Variants in CELF3 observed in about 807,000 individuals in gnomAD.
The protein encoded by CELF3 is CAG repeat domain.
CELF3 carries 26 observed loss-of-function variants against 59.6 expected under a neutral mutation model. The observed-to-expected ratio is 0.44, with a 90% confidence interval of 0.32 to 0.61. The LOEUF is 0.61. CELF3 is among the 20% of genes least tolerant of loss of function. The probability of loss-of-function intolerance (pLI) is 0.06; values close to 1 mark genes in which losing one functional copy is unlikely to be tolerated. For synonymous variants in CELF3, 245 were observed against 250.7 expected (o/e 0.98, Z 0.22); for missense variants, 387 against 627.2 (o/e 0.62, Z 4.09).
chr1:151,706,769 T>C (rs1222709291), intron 8 of CELF3, 35 bp from the exon 9 acceptor site: 11 of 1,480,040 alleles, frequency 7.4e-6, no homozygotes, highest in African/African-American at 1.4e-5. Flanking sequence ...AGCGTGGACC[T>C]GGCACACAGT....
In CELF3 at chr1:151,709,282, A is replaced by C. The variant is rs1204063036; in HGVS notation, c.344T>G (p.Phe115Cys). Reference sequence around the variant, plus strand: ...CTCGTCGATGGTCCCGAAGGGCTCAAACATCTTCCGGACGTCCTCATCTGT... The same window carrying C: ...CTCGTCGATGGTCCCGAAGGGCTCACACATCTTCCGGACGTCCTCATCTGT... ...QQTDEDVRKM[F>C]EPFGTIDECT... The change falls in exon 4 of 13, where the codon TTT becomes TGT. Residue 115 changes from phenylalanine to cysteine, a missense_variant. Phe to Cys is a radical substitution (Grantham distance 205). Around this residue, in one of 3 missense-constraint regions of CELF3, gnomAD observed 208 missense variants for 354.8 expected, o/e 0.59. Coordinates refer to ENST00000290583, the MANE Select transcript of CELF3 (RefSeq NM_007185.7). This position sits in a 1 kb window ranked among gnomAD's most constrained non-coding sequence, Gnocchi z 4.9. 6.2e-7 allele frequency: 1 copy of C among 1,614,020 alleles called. No individual in the cohort carries two copies. Among genetic ancestry groups the C allele is most frequent in the Admixed American group, 1.7e-5 (1 of 60,016 alleles).
Position 151,707,288 on chromosome 1 carries a change from C to G in CELF3, c.779G>C (p.Ser260Thr). 6.4e-7 allele frequency: 1 copy of G among 1,569,314 alleles called. No homozygotes were observed. Among genetic ancestry groups the G allele is most frequent in the Non-Finnish European group, 8.6e-7 (1 of 1,159,150 alleles). Reference protein sequence around the residue: ...ATPITPSSGTSTPPAIAATPV... With the variant: ...ATPITPSSGTTTPPAIAATPV... ...CGTGGCAGCGATGGCAGGAGGGGTG[C>G]TGGTTCCTGGGGAGGAGAAAGCGAC... Residue 260 changes from serine to threonine, a missense_variant, in exon 8 of 13, where the codon AGC becomes ACC. By Grantham distance (58) the Ser-to-Thr change is moderately conservative. This residue lies in a region of CELF3 where 131 missense variants were observed against 153.7 expected (regional missense o/e 0.85). Coordinates refer to ENST00000290583, the MANE Select transcript of CELF3 (RefSeq NM_007185.7).
chr1:151,716,771 T>TG lies in CELF3; in HGVS notation c.-752dup, dbSNP rs1224289903. The TG allele has an allele frequency of 2.2e-6, 1 of 463,752 alleles. No individual in the cohort carries two copies. Among genetic ancestry groups the TG allele is most frequent in the Non-Finnish European group, 4.4e-6 (1 of 225,626 alleles). The allele number at this position is 463,752 out of a possible 1,614,324, so 28.7% of individuals were successfully genotyped here. A position where few individuals can be genotyped will look rare whatever the true frequency, so the allele number is the denominator to read the frequency against. Reference sequence around the variant, plus strand: ...CCCGGTCACCTGGGTCCCGGAGCTCTGCTCTCCGGCCGCGCTCTCCTCAAC... The same window carrying TG: ...CCCGGTCACCTGGGTCCCGGAGCTCTGGCTCTCCGGCCGCGCTCTCCTCAAC... On this transcript the variant is annotated 5_prime_UTR_variant, in exon 1 of 13. Transcript: ENST00000290583.
At position 151,700,601 on chromosome 1, in the gene CELF3, A is replaced by G. The variant is rs4466658; in HGVS notation, c.*2858T>C. Among the ~76,000 whole-genome samples the G allele has an allele frequency of 0.15, 23,259 of 152,234 alleles. 2,283 individuals carry two copies. The highest frequency in any genetic ancestry group is 0.3 in the Middle Eastern group (88 of 294). On this transcript the variant is annotated 3_prime_UTR_variant, in exon 13 of 13. Coordinates refer to ENST00000290583, the MANE Select transcript of CELF3 (RefSeq NM_007185.7). ...TTGTTTTTTATTAGCTGCAGTTTAG[A>G]AAGATTGATGCTTCAGAACATAGAC...
chr1:151,711,973 G>C (rs1370278782), intron 2 of CELF3: 1 of 152,260 alleles, frequency 6.6e-6, no homozygotes, highest in Non-Finnish European at 1.5e-5. Context: ...CAAGTGTACA[G>C]ACCACAGCAA....
chr1:151,707,285 G>C lies in CELF3; in HGVS notation c.782C>G (p.Thr261Ser). ...AGGCGTGGCAGCGATGGCAGGAGGG[G>C]TGCTGGTTCCTGGGGAGGAGAAAGC... ...TPITPSSGTS[T>S]PPAIAATPVS... The change falls in exon 8 of 13, where the codon ACC becomes AGC. Residue 261 changes from threonine (T) to serine (S), a missense_variant. Thr to Ser is a moderately conservative substitution (Grantham distance 58). Around this residue, in one of 3 missense-constraint regions of CELF3, gnomAD observed 131 missense variants for 153.7 expected, o/e 0.85. Transcript: ENST00000290583. 2 of 1,570,692 alleles carry C rather than the reference G, an allele frequency of 1.3e-6. No homozygotes were observed. Among genetic ancestry groups the C allele is most frequent in the Non-Finnish European group, 1.7e-6 (2 of 1,159,682 alleles).
chr1:151,715,374 T>G (rs1241204385), intron 1 of CELF3, among the ~76,000 whole-genome samples: 2 of 152,162 alleles, frequency 1.3e-5, no homozygotes, highest in Admixed American at 1.3e-4. Context: ...CCAGCCTTCA[T>G]GCCCTGCTTC....
In CELF3 at chr1:151,706,299, C is replaced by T. The variant is rs1009728201; in HGVS notation, c.1051G>A (p.Ala351Thr). 1.0e-5 allele frequency: 16 copies of T among 1,563,340 alleles called. No individual in the cohort carries two copies. The highest frequency in any genetic ancestry group is 4.1e-5 in the African/African-American group (3 of 73,420). Reference protein sequence around the residue: ...PAFPQPPALVAQQPPPPPQQQ... With the variant: ...PAFPQPPALVTQQPPPPPQQQ... ...TGAGGTGGTGGTGGGGGCTGCTGGGCGACCAGGGCTGGAGGCTGCGGGAAC... is the reference window on the plus strand; with the variant it reads ...TGAGGTGGTGGTGGGGGCTGCTGGGTGACCAGGGCTGGAGGCTGCGGGAAC... Residue 351 changes from alanine to threonine, a missense_variant, in exon 10 of 13, where the codon GCC becomes ACC. Ala to Thr is a moderately conservative substitution (Grantham distance 58, BLOSUM62 0). Around this residue, in one of 3 missense-constraint regions of CELF3, gnomAD observed 131 missense variants for 153.7 expected, o/e 0.85. Coordinates refer to ENST00000290583, the MANE Select transcript of CELF3 (RefSeq NM_007185.7).
rs573862548 is a variant in CELF3, at chr1:151,707,849, C to A, written c.573G>T (p.Leu191Phe). 6.2e-7 allele frequency: 1 copy of A among 1,613,960 alleles called. No individual in the cohort carries two copies. The highest frequency in any genetic ancestry group is 1.1e-5 in the South Asian group (1 of 91,080). Residue 191 changes from leucine to phenylalanine, a missense_variant, in exon 6 of 13, where the codon TTG (leucine) becomes TTT (phenylalanine). Coordinates refer to ENST00000290583, the MANE Select transcript of CELF3 (RefSeq NM_007185.7). The part of the protein sequence containing the change: ...LRRMQQVATQ[L>F]GMFSPIALQF... Reference sequence around the variant, plus strand: ...GGAGGGCGATGGGGCTGAACATGCCCAACTGGGTGGCCACCTGCTGCATGC... The same window carrying A: ...GGAGGGCGATGGGGCTGAACATGCCAAACTGGGTGGCCACCTGCTGCATGC...
chr1:151,709,796 A>G lies in CELF3; in HGVS notation c.229-5T>C. 1 of 1,614,096 alleles carries G rather than the reference A, an allele frequency of 6.2e-7. No individual in the cohort carries two copies. The highest frequency in any genetic ancestry group is 8.5e-7 in the Non-Finnish European group (1 of 1,179,960). Reference sequence around the variant, plus strand: ...GACCTGGATCGGCCTGTTCATCTGAAGGAGAGAAGAGAAGGCAGCTGCTGG... The same window carrying G: ...GACCTGGATCGGCCTGTTCATCTGAGGGAGAGAAGAGAAGGCAGCTGCTGG... On this transcript the variant is annotated splice_region_variant and splice_polypyrimidine_tract_variant and intron_variant, in intron 2 of 12. Transcript: ENST00000290583. The surrounding 1 kb of genome is among the most constrained non-coding windows in gnomAD (Gnocchi z 4.9).
chr1:151,706,069 C>T, intron 10 of CELF3, 104 bp from the exon 11 acceptor site: 3 of 1,588,992 alleles, frequency 1.9e-6, no homozygotes, highest in Non-Finnish European at 2.6e-6. Flanking sequence ...CCCTCCAGTC[C>T]CAGTCCTTGA....
At chr1:151,707,755 T>C in intron 6 of CELF3, 37 bp downstream of exon 6, 1 of 1,605,288 alleles carries the variant, frequency 6.2e-7, no homozygotes, top group East Asian at 2.2e-5. Flanking sequence ...ATACAGGGGG[T>C]CAGGAGGGCT....
Position 151,707,544 on chromosome 1 carries a change from G to A in CELF3, c.735C>T (p.Ala245=), listed in dbSNP as rs768583212. 1 of 1,610,456 alleles carries A rather than the reference G, an allele frequency of 6.2e-7. No homozygotes were observed. The highest frequency in any genetic ancestry group is 8.5e-7 in the Non-Finnish European group (1 of 1,179,736). The part of the protein sequence containing the change: ...VQMQHMAAIN[A]NGLIATPITP... ...TGATGGGGGTGGCGATGAGGCCATTGGCATTGATGGCAGCCATGTGCTGCA... is the reference window on the plus strand; with the variant it reads ...TGATGGGGGTGGCGATGAGGCCATTAGCATTGATGGCAGCCATGTGCTGCA... The change falls in exon 7 of 13, where the codon GCC becomes GCT. Residue 245 remains alanine, a synonymous_variant. Transcript: ENST00000290583.
chr1:151,715,823 C>T, intron 1 of CELF3, 53 bp downstream of exon 1: 4 of 1,593,792 alleles, frequency 2.5e-6, no homozygotes, highest in Non-Finnish European at 3.4e-6. Context: ...GGCTTAACTT[C>T]CCCCAGCCTC....
chr1:151,711,809 C>T (rs563372216), intron 2 of CELF3: 1 of 152,410 alleles, frequency 6.6e-6, no homozygotes, highest in East Asian at 1.9e-4. Context: ...AGCCCCCTTC[C>T]CAGCAGGCCT....
chr1:151,714,110 G>A (rs1197712836), intron 2 of CELF3, among the ~76,000 whole-genome samples: 1 of 152,112 alleles, frequency 6.6e-6, no homozygotes, highest in Non-Finnish European at 1.5e-5. Context: ...GAGACAGAAG[G>A]GAGATGAGAG....
At chr1:151,708,940 G>T (rs1443285170) in intron 5 of CELF3, 58 bp downstream of exon 5, 7 of 1,492,798 alleles carry the variant, frequency 4.7e-6, no homozygotes, top group Non-Finnish European at 6.5e-6. Context: ...CTGGGCCAGG[G>T]CCTGGCAGGT....
chr1:151,715,557 T>C, intron 1 of CELF3: 1 of 1,288,076 alleles, frequency 7.8e-7, no homozygotes, highest in Non-Finnish European at 1.0e-6. Context: ...GCTGCTTATC[T>C]CCCAAACCAG....
rs909109003 is a variant in CELF3 at position 151,714,642 on chromosome 1, T to A, written c.180A>T (p.Ser60=). 1 of 1,562,146 alleles carries A rather than the reference T, an allele frequency of 6.4e-7. No individual in the cohort carries two copies. The highest frequency in any genetic ancestry group is 1.9e-5 in the Admixed American group (1 of 52,376). ...CAFLTYCARD[S]ALKAQSALHE... The stretch of plus-strand genomic sequence containing the variant: ...GCAGGGCGCTCTGGGCCTTCAGGGC[T>A]GAATCCCGGGCACAGTATGTCAGGA... Residue 60 remains serine (S), a synonymous_variant, in exon 2 of 13, where the codon TCA becomes TCT. Coordinates refer to ENST00000290583, the MANE Select transcript of CELF3 (RefSeq NM_007185.7).
Sources: allele counts gnomAD v4.1 joint callset (sites outside exome capture counted in the v4.1 genomes callset), GRCh38; gene constraint gnomAD v4.1.1; regional missense constraint gnomAD v4.1.1; non-coding constraint Gnocchi (gnomAD v3.1); transcripts MANE v1.5; gene names NCBI Gene and HGNC (gene_info 2026-07-23, HGNC 2026-07-21).